Variants in NOTCH2 observed in about 807,000 individuals in gnomAD.
NOTCH2 encodes the protein notch receptor 2, also known as neurogenic locus notch homolog protein 2.
A neutral mutation model predicts 235.8 loss-of-function variants in NOTCH2; 29 were observed. The observed-to-expected ratio is 0.12, with a 90% CI of 0.09 to 0.17. NOTCH2 has a LOEUF of 0.17. Among genes scored for constraint, NOTCH2 ranks in the 10% least tolerant of loss-of-function variants. The pLI is 1.00. For missense variants in NOTCH2, 2,285 were observed against 3,150.2 expected (o/e 0.73, Z 6.57); for synonymous variants, 1,086 against 1,141.5 (o/e 0.95, Z 0.98).
At chr1:119,962,193 C>G (rs1034152467) in intron 11 of NOTCH2, among the ~76,000 whole-genome samples, 6 of 152,130 alleles carry the variant, frequency 3.9e-5, no homozygotes, top group African/African-American at 1.4e-4. Context: ...CCTGATATAT[C>G]CTGGTATAAT....
At chr1:120,041,035 T>A (rs1351118577) in intron 1 of NOTCH2, among the ~76,000 whole-genome samples, 19 of 81,718 alleles carry the variant, frequency 2.3e-4, no homozygotes, top group Middle Eastern at 0.01. Context: ...AGCAAGACTC[T>A]GCCTGCAAAA....
intron 5 of NOTCH2, among the ~76,000 whole-genome samples, chr1:119,980,970 T>C (rs1412664460): frequency 2.0e-5 from 3 of 152,156 alleles, no homozygotes; most frequent in Non-Finnish European, 2.9e-5. Flanking sequence ...TTTTCTGAAG[T>C]GTGGATGTTT....
intron 1 of NOTCH2, among the ~76,000 whole-genome samples, chr1:120,066,200 A>G (rs1553217048): frequency 1.3e-5 from 2 of 152,202 alleles, no homozygotes; most frequent in East Asian, 3.8e-4. Context: ...CAGAAGCGTT[A>G]AACACTGGAA....
chr1:119,970,216 G>T (rs1651307414), intron 5 of NOTCH2, among the ~76,000 whole-genome samples: 1 of 152,168 alleles, frequency 6.6e-6, no homozygotes, highest in South Asian at 2.1e-4. Context: ...TCCATAAGAT[G>T]ATGTTACCAC....
At chr1:119,964,713 A>T (rs587601915) in intron 10 of NOTCH2, among the ~76,000 whole-genome samples, 3 of 152,224 alleles carry the variant, frequency 2.0e-5, no homozygotes, top group African/African-American at 7.2e-5. Flanking sequence ...TAATGTCTTG[A>T]ATTACATAAA....
At chr1:119,920,474 C>T (rs1649245713) in intron 29 of NOTCH2, 77 bp from the exon 30 acceptor site, 1 of 1,459,732 alleles carries the variant, frequency 6.9e-7, no homozygotes, top group Non-Finnish European at 9.6e-7. Flanking sequence ...CCAGAGCCTC[C>T]ACCACCGCTG....
intron 22 of NOTCH2, among the ~76,000 whole-genome samples, chr1:119,933,138 C>A (rs1476937675): frequency 1.3e-5 from 2 of 152,132 alleles, no homozygotes; most frequent in East Asian, 1.9e-4. Context: ...CAGAATGGAA[C>A]CACCAGAAAT....
intron 7 of NOTCH2, 126 bp downstream of exon 7, chr1:119,967,951 A>G (rs1023209795): frequency 7.6e-6 from 8 of 1,049,498 alleles, no homozygotes; most frequent in Admixed American, 7.6e-5. Flanking sequence ...AACACTGGCC[A>G]TGTAGCAAGA....
chr1:119,964,724 T>A (rs1651070796), intron 10 of NOTCH2, among the ~76,000 whole-genome samples: 1 of 152,254 alleles, frequency 6.6e-6, no homozygotes, highest in South Asian at 2.1e-4. Flanking sequence ...ATTACATAAA[T>A]AACTTCTTTC....
At chr1:119,923,486 T>TA in intron 26 of NOTCH2, 151 bp downstream of exon 26, 1 of 715,762 alleles carries the variant, frequency 1.4e-6, no homozygotes, top group Admixed American at 2.3e-5. Context: ...CATTTAAACG[T>TA]AAGTACTGGG....
intron 5 of NOTCH2, chr1:119,976,457 G>C (rs1302904374): frequency 6.6e-6 from 1 of 151,294 alleles, no homozygotes; most frequent in Non-Finnish European, 1.5e-5. Flanking sequence ...TGGGAGTATA[G>C]ATGTGGCTAA....
chr1:120,024,991 C>T (rs1259245892), intron 2 of NOTCH2, among the ~76,000 whole-genome samples: 2 of 151,376 alleles, frequency 1.3e-5, no homozygotes, highest in African/African-American at 4.8e-5. Context: ...ATGAAACCCA[C>T]ATTTACAGTT....
chr1:120,014,800 C>CGG, intron 2 of NOTCH2, among the ~76,000 whole-genome samples: 1 of 121,044 alleles, frequency 8.3e-6, no homozygotes, highest in African/African-American at 3.1e-5. Flanking sequence ...AATAGCCACT[C>CGG]GTCTACAGAA....
intron 9 of NOTCH2, 76 bp downstream of exon 9, chr1:119,966,300 C>A: frequency 1.1e-6 from 1 of 951,504 alleles, no homozygotes; most frequent in South Asian, 1.3e-5. Context: ...CACACACATT[C>A]TCTCCCTGCT....
At chr1:119,963,939 T>C in intron 10 of NOTCH2, 132 bp from the exon 11 acceptor site, 2 of 785,154 alleles carry the variant, frequency 2.5e-6, no homozygotes, top group Non-Finnish European at 2.2e-6. Context: ...TCTTGAGCAG[T>C]AGAAAACGAC....
chr1:119,942,198 C>T (rs587704067), intron 17 of NOTCH2, among the ~76,000 whole-genome samples: 5 of 152,254 alleles, frequency 3.3e-5, no homozygotes, highest in Non-Finnish European at 7.4e-5. Context: ...TCCTCTCTCT[C>T]TCTTTTTCTC....
chr1:119,988,959 A>T, intron 4 of NOTCH2, among the ~76,000 whole-genome samples: 1 of 152,366 alleles, frequency 6.6e-6, no homozygotes, highest in Admixed American at 6.5e-5. Context: ...ATTTCAGCAG[A>T]ACCACAACAG....
At chr1:119,957,485 A>G (rs1195729267) in intron 12 of NOTCH2, among the ~76,000 whole-genome samples, 2 of 152,212 alleles carry the variant, frequency 1.3e-5, no homozygotes, top group African/African-American at 2.4e-5. Flanking sequence ...CTATTATTAG[A>G]ATGATATGGG....
At chr1:119,996,769 T>C (rs1553204218) in intron 4 of NOTCH2, 1 of 896,276 alleles carries the variant, frequency 1.1e-6, no homozygotes, top group Non-Finnish European at 1.9e-6. Context: ...CAATAAACAA[T>C]TTTCTAGCCA....
Sources: gnomAD v4.1 joint callset for allele counts (sites outside exome capture counted in the v4.1 genomes callset) on GRCh38, gnomAD v4.1.1 for gene constraint, MANE v1.5 for transcripts, NCBI Gene and HGNC (gene_info 2026-07-23, HGNC 2026-07-21) for gene names.